The following ZNF566 variants were observed in gnomAD, a reference collection of about 807,000 sequenced individuals.
ZNF566 encodes zinc finger protein 566.
Under a neutral mutation model 32.8 loss-of-function variants are expected in ZNF566, and 27 were observed. The observed-to-expected ratio is 0.82, with a 90% confidence interval of 0.61 to 1.14. The LOEUF (loss-of-function observed/expected upper bound fraction) is 1.14. Ranked by LOEUF, ZNF566 falls within the 50% of genes most tolerant of loss-of-function variation. ZNF566 has a pLI of 0.00. For synonymous variants in ZNF566, 154 were observed against 159.5 expected (o/e 0.97, Z 0.26); for missense variants, 402 against 490.4 (o/e 0.82, Z 1.70).
At chr19:36,479,157 A>C in intron 1 of ZNF566, among the ~76,000 whole-genome samples, 1 of 152,222 alleles carries the variant, frequency 6.6e-6, no homozygotes, top group Non-Finnish European at 1.5e-5. Flanking sequence ...TGAAACACTG[A>C]AAAATGTCCC....
At chr19:36,481,632 A>G (rs2034035742) in intron 1 of ZNF566, among the ~76,000 whole-genome samples, 1 of 152,164 alleles carries the variant, frequency 6.6e-6, no homozygotes, top group Admixed American at 6.5e-5. Flanking sequence ...AAACTGGTAC[A>G]ACAGTTCTAG....
intron 2 of ZNF566, among the ~76,000 whole-genome samples, chr19:36,474,059 AG>A (rs1396403169): frequency 1.3e-5 from 2 of 152,234 alleles, no homozygotes; most frequent in African/African-American, 4.8e-5. Flanking sequence ...TGTTGAGAAA[AG>A]ACATTTGTAG....
intron 1 of ZNF566, among the ~76,000 whole-genome samples, chr19:36,485,624 T>G (rs2034142739): frequency 6.7e-6 from 1 of 149,258 alleles, no homozygotes; most frequent in Non-Finnish European, 1.5e-5. Context: ...CAGCCGGGGG[T>G]GGTGGCAGGT....
rs986675711 is a variant in ZNF566 at position 36,466,313 on chromosome 19, G to T, written c.232+6598C>A. 6.6e-5 allele frequency among the ~76,000 whole-genome samples: 10 copies of T among 151,542 alleles called. 1 individual carries two copies. Among genetic ancestry groups the T allele is most frequent in the East Asian group, 5.8e-4 (3 of 5,170 alleles). On this transcript the variant is annotated intron_variant, in intron 4 of 4. Transcript: ENST00000452939. ...TGTCCCTCTGTACCAGGTGGGAGGG[G>T]TGAGGACAGTTGAGGTTTGGTTTCA...
intron 1 of ZNF566, among the ~76,000 whole-genome samples, chr19:36,485,126 A>C (rs1307015157): frequency 6.6e-6 from 1 of 152,044 alleles, no homozygotes; most frequent in Non-Finnish European, 1.5e-5. Flanking sequence ...TCTAACCATA[A>C]GGAAACATCA....
At chr19:36,488,052 C>T (rs780043973) in intron 1 of ZNF566, among the ~76,000 whole-genome samples, 53 of 152,052 alleles carry the variant, frequency 3.5e-4, no homozygotes, top group Middle Eastern at 6.8e-3. Context: ...GAGTGTTACA[C>T]AGCTGTACAC....
chr19:36,455,727 G>A (rs564297661), intron 4 of ZNF566, among the ~76,000 whole-genome samples: 3 of 151,644 alleles, frequency 2.0e-5, no homozygotes, highest in East Asian at 3.9e-4. Flanking sequence ...GTGACAGAGC[G>A]AGACTCTGTC....
In ZNF566 at chr19:36,473,457, T is replaced by C. The variant is rs773628590; in HGVS notation, c.11A>G (p.Glu4Gly). The change falls in exon 3 of 5, where the codon GAG becomes GGG. Residue 4 changes from glutamate (E) to glycine (G), a missense_variant and splice_region_variant. Transcript: ENST00000452939. ...GGACACATCACTGAACATCACTGAC[T>C]CCTGGAACAATAACCACGTATATGA... MAQ[E>G]SVMFSDVSVD... 1.3e-6 allele frequency: 2 copies of C among 1,583,658 alleles called. No individual in the cohort carries two copies. Among genetic ancestry groups the C allele is most frequent in the South Asian group, 2.3e-5 (2 of 85,878 alleles).
intron 4 of ZNF566, among the ~76,000 whole-genome samples, chr19:36,461,028 G>C (rs1451572972): frequency 2.0e-5 from 3 of 152,296 alleles, no homozygotes; most frequent in African/African-American, 7.2e-5. Context: ...AGCTCAGGCT[G>C]TGCCCTCAGA....
chr19:36,463,589 C>CTA (rs1243432354), intron 4 of ZNF566, among the ~76,000 whole-genome samples: 2 of 138,530 alleles, frequency 1.4e-5, no homozygotes, highest in Admixed American at 1.6e-4. Context: ...GTTGCCCAGG[C>CTA]TATAGTACAG....
At chr19:36,450,633 C>A (rs975899099) in intron 4 of ZNF566, among the ~76,000 whole-genome samples, 2 of 151,886 alleles carry the variant, frequency 1.3e-5, no homozygotes, top group Admixed American at 6.6e-5. Flanking sequence ...CAGAGTGAGT[C>A]ACTGTCTCAA....
In ZNF566 at chr19:36,448,908, T is replaced by C; in HGVS notation, c.*69A>G. 2.3e-6 allele frequency: 3 copies of C among 1,286,900 alleles called. No homozygotes were observed. Among genetic ancestry groups the C allele is most frequent in the Non-Finnish European group, 3.2e-6 (3 of 944,414 alleles). 79.7% of individuals were successfully genotyped at this position (1,286,900 alleles called of 1,614,324 possible). ...TACATTATTCTATCTAGAGGAATTA[T>C]TAACAAGATAAATTCTGTTTTGAGC... On this transcript the variant is annotated 3_prime_UTR_variant, in exon 5 of 5. Coordinates refer to ENST00000452939, the MANE Select transcript of ZNF566 (RefSeq NM_001145344.1).
intron 1 of ZNF566, among the ~76,000 whole-genome samples, chr19:36,477,520 G>GTTTTT (rs1568528944): frequency 1.5e-5 from 2 of 130,330 alleles, no homozygotes; most frequent in African/African-American, 6.0e-5. Flanking sequence ...CCAGTTTTCT[G>GTTTTT]TTTCTGTTTT....
chr19:36,484,212 G>A (rs117101679), intron 1 of ZNF566, among the ~76,000 whole-genome samples: 13,458 of 152,266 alleles, frequency 0.088, 780 homozygotes, highest in Non-Finnish European at 0.13. Flanking sequence ...ACACTCAGCA[G>A]TGTATGAGTG....
Position 36,448,042 on chromosome 19 carries a change from G to A in ZNF566, c.*935C>T, listed in dbSNP as rs894840898. 1 of 152,052 alleles carries A rather than the reference G, an allele frequency of 6.6e-6. No homozygotes were observed. Among genetic ancestry groups the A allele is most frequent in the African/African-American group, 2.4e-5 (1 of 41,406 alleles). The allele number at this position is 152,052 out of a possible 1,614,324, so 9.4% of individuals were successfully genotyped here. On this transcript the variant is annotated 3_prime_UTR_variant, in exon 5 of 5. Coordinates refer to ENST00000452939, the MANE Select transcript of ZNF566 (RefSeq NM_001145344.1). Reference sequence around the variant, plus strand: ...ATCCTCACAAAGCATTATGAGGTAGGTATTATAATTATCCCCCATTTTATA... The same window carrying A: ...ATCCTCACAAAGCATTATGAGGTAGATATTATAATTATCCCCCATTTTATA...
chr19:36,484,878 C>T lies in ZNF566; in HGVS notation c.-60+4608G>A, dbSNP rs113661433. Among the ~76,000 whole-genome samples, 403 of 152,092 alleles carry T rather than the reference C, an allele frequency of 2.6e-3. 1 individual carries two copies. The highest frequency in any genetic ancestry group is 9.1e-3 in the African/African-American group (376 of 41,494). On this transcript the variant is annotated intron_variant, in intron 1 of 4. Coordinates refer to ENST00000452939, the MANE Select transcript of ZNF566 (RefSeq NM_001145344.1). The stretch of plus-strand genomic sequence containing the variant: ...TGTTGGGATTACAGGCATGAGCCAC[C>T]GCGCCCAGCCATTTTTACATAGTTT...
At chr19:36,479,171 G>A (rs1204927179) in intron 1 of ZNF566, among the ~76,000 whole-genome samples, 3 of 151,970 alleles carry the variant, frequency 2.0e-5, no homozygotes, top group Admixed American at 6.6e-5. Flanking sequence ...ATGTCCCCCT[G>A]AATCCAGGAA....
chr19:36,488,139 G>C (rs749138776), intron 1 of ZNF566, among the ~76,000 whole-genome samples: 6 of 152,120 alleles, frequency 3.9e-5, no homozygotes, highest in Non-Finnish European at 8.8e-5. Flanking sequence ...CTGAAGGGCA[G>C]TGGTATGATC....
At chr19:36,467,383 G>A (rs992065267) in intron 4 of ZNF566, among the ~76,000 whole-genome samples, 12 of 143,272 alleles carry the variant, frequency 8.4e-5, no homozygotes, top group Admixed American at 2.2e-4. Flanking sequence ...TGAAGTGAGC[G>A]AAGATCGCAC....
Sources: allele counts gnomAD v4.1 joint callset (sites outside exome capture counted in the v4.1 genomes callset), GRCh38; gene constraint gnomAD v4.1.1; transcripts MANE v1.5; gene names NCBI Gene and HGNC (gene_info 2026-07-23, HGNC 2026-07-21).